The following ADAMTS16 variants were observed in gnomAD, a reference collection of about 807,000 sequenced individuals.
ADAMTS16 encodes the protein ADAM metallopeptidase with thrombospondin type 1 motif 16.
In ADAMTS16, 94 loss-of-function variants were observed where a neutral mutation model predicts 145.8. The observed-to-expected ratio is 0.64, with a 90% CI of 0.55 to 0.77. ADAMTS16 has a LOEUF of 0.77. ADAMTS16 is among the 30% of genes least tolerant of loss of function. The probability of loss-of-function intolerance (pLI) is 0.00; values close to 1 mark genes in which losing one functional copy is unlikely to be tolerated. For synonymous variants in ADAMTS16, 659 were observed against 604.3 expected, an observed-to-expected ratio of 1.09 and a Z score of -1.33; for missense variants, 1,585 against 1,591.5, an observed-to-expected ratio of 1.00 and a Z score of 0.07.
chr5:5,296,355 T>C (rs183238288), intron 18 of ADAMTS16, among the ~76,000 whole-genome samples: 1 of 152,330 alleles, frequency 6.6e-6, no homozygotes, highest in African/African-American at 2.4e-5. Flanking sequence ...GCATCTGTTT[T>C]CCTCCGGAGG....
At chr5:5,263,513 C>CT (rs1336257220) in intron 18 of ADAMTS16, among the ~76,000 whole-genome samples, 1 of 152,256 alleles carries the variant, frequency 6.6e-6, no homozygotes, top group Non-Finnish European at 1.5e-5. Context: ...AGGGGTGCCT[C>CT]TCTACTTGGC....
At chr5:5,316,919 T>C (rs1734082340) in intron 21 of ADAMTS16, among the ~76,000 whole-genome samples, 1 of 152,212 alleles carries the variant, frequency 6.6e-6, no homozygotes. Flanking sequence ...ACCAGTTTCC[T>C]TGTGGCCATG....
intron 3 of ADAMTS16, among the ~76,000 whole-genome samples, chr5:5,174,472 TG>T (rs1735134251): frequency 6.6e-6 from 1 of 152,168 alleles, no homozygotes; most frequent in African/African-American, 2.4e-5. Flanking sequence ...ATAACCTTCT[TG>T]TACTTGGGTT....
At chr5:5,143,512 C>T (rs969038619) in intron 2 of ADAMTS16, among the ~76,000 whole-genome samples, 4 of 152,204 alleles carry the variant, frequency 2.6e-5, no homozygotes, top group Admixed American at 2.0e-4. Context: ...GAAATAGGAA[C>T]ACTTTTACAC....
chr5:5,240,355 G>A (rs1737250207), intron 16 of ADAMTS16, among the ~76,000 whole-genome samples: 1 of 152,208 alleles, frequency 6.6e-6, no homozygotes, highest in South Asian at 2.1e-4. Context: ...CTGTGTCACA[G>A]CATTGACCTT....
intron 21 of ADAMTS16, among the ~76,000 whole-genome samples, chr5:5,313,873 C>G (rs1740561089): frequency 6.6e-6 from 1 of 152,234 alleles, no homozygotes. Context: ...TCCCCTGAAC[C>G]CTGATCTAGT....
chr5:5,149,150 T>A (rs1292532480), intron 3 of ADAMTS16, among the ~76,000 whole-genome samples: 2 of 152,238 alleles, frequency 1.3e-5, no homozygotes, highest in Admixed American at 6.5e-5. Context: ...ATGGGATCTG[T>A]AAACCCTAAA....
At chr5:5,205,804 T>G (rs1014280852) in intron 9 of ADAMTS16, among the ~76,000 whole-genome samples, 4 of 152,260 alleles carry the variant, frequency 2.6e-5, no homozygotes, top group African/African-American at 9.6e-5. Context: ...TTACTGTTTC[T>G]TGTTCTTGGA....
chr5:5,310,528 C>T lies in ADAMTS16; in HGVS notation c.3411+3800C>T, dbSNP rs760078368. 1.3e-5 allele frequency among the ~76,000 whole-genome samples: 2 copies of T among 152,190 alleles called. No individual in the cohort carries two copies. Among genetic ancestry groups the T allele is most frequent in the Non-Finnish European group, 2.9e-5 (2 of 68,042 alleles). On this transcript the variant is annotated intron_variant, in intron 21 of 22. Transcript: ENST00000274181. This position sits in a 1 kb window ranked among gnomAD's most constrained non-coding sequence, Gnocchi z 4.3. ...ACTAAACTCAAAGACTGGCTGTCCT[C>T]GTGAGAAGACCACAGGAAGACACAG...
At chr5:5,250,201 A>T (rs2964417) in intron 17 of ADAMTS16, among the ~76,000 whole-genome samples, 1 of 152,128 alleles carries the variant, frequency 6.6e-6, no homozygotes, top group South Asian at 2.1e-4. Context: ...TGGAGCCCTC[A>T]CCAGGAACCT....
At chr5:5,291,847 T>C (rs1411523446) in intron 18 of ADAMTS16, among the ~76,000 whole-genome samples, 1 of 152,192 alleles carries the variant, frequency 6.6e-6, no homozygotes, top group East Asian at 1.9e-4. Context: ...AGGTACATTA[T>C]GGTGAGCCCA....
At chr5:5,174,310 G>A (rs554744328) in intron 3 of ADAMTS16, among the ~76,000 whole-genome samples, 2 of 152,188 alleles carry the variant, frequency 1.3e-5, no homozygotes, top group East Asian at 1.9e-4. Context: ...TGAGAAGTCT[G>A]CTGTCAGATG....
At chr5:5,177,392 G>A (rs1451416754) in intron 3 of ADAMTS16, among the ~76,000 whole-genome samples, 5 of 152,196 alleles carry the variant, frequency 3.3e-5, no homozygotes, top group Non-Finnish European at 7.3e-5. Context: ...CCTGTGACCA[G>A]CATATCAGCC....
intron 3 of ADAMTS16, among the ~76,000 whole-genome samples, chr5:5,156,067 C>T (rs887187724): frequency 2.0e-5 from 3 of 152,012 alleles, no homozygotes; most frequent in African/African-American, 7.3e-5. Context: ...CAGGAAAGAG[C>T]AGGTTCTTCC....
intron 18 of ADAMTS16, among the ~76,000 whole-genome samples, chr5:5,293,118 G>A (rs2126492980): frequency 6.6e-6 from 1 of 152,326 alleles, no homozygotes; most frequent in Non-Finnish European, 1.5e-5. Flanking sequence ...CTGGGTGCAG[G>A]TGTCAGGAAG....
intron 17 of ADAMTS16, among the ~76,000 whole-genome samples, chr5:5,245,216 A>C (rs1405328489): frequency 6.6e-6 from 1 of 152,206 alleles, no homozygotes; most frequent in Non-Finnish European, 1.5e-5. Context: ...GGAGGCTTCT[A>C]AATTTCAAAA....
chr5:5,151,215 C>CTTAT (rs3059259), intron 3 of ADAMTS16, among the ~76,000 whole-genome samples: 2,239 of 145,796 alleles, frequency 0.015, 22 homozygotes, highest in Non-Finnish European at 0.021. Context: ...TTTCTTTTCT[C>CTTAT]TTATTTATTT....
chr5:5,230,853 C>T (rs1328108224), intron 11 of ADAMTS16, among the ~76,000 whole-genome samples: 1 of 152,202 alleles, frequency 6.6e-6, no homozygotes, highest in African/African-American at 2.4e-5. Context: ...CTTCCACTAA[C>T]CTGACCTCAT....
At chr5:5,145,293 A>G (rs1863970) in intron 2 of ADAMTS16, among the ~76,000 whole-genome samples, 112,186 of 152,170 alleles carry the variant, frequency 0.74, 41,871 homozygotes, top group Middle Eastern at 0.87. Flanking sequence ...TGCAATACTC[A>G]AAGCTCATCA....
Sources: gnomAD v4.1 joint callset for allele counts (sites outside exome capture counted in the v4.1 genomes callset) on GRCh38, gnomAD v4.1.1 for gene constraint, Gnocchi (gnomAD v3.1) non-coding constraint, MANE v1.5 for transcripts, NCBI Gene and HGNC (gene_info 2026-07-23, HGNC 2026-07-21) for gene names.